Variants in CYB5R4 observed in about 807,000 individuals in gnomAD.
The protein encoded by CYB5R4 is N-terminal cytochrome b5 and cytochrome b5 oxidoreductase domain-containing protein.
CYB5R4 carries 55 observed loss-of-function variants against 70.2 expected under a neutral mutation model. The ratio of observed to expected loss-of-function variants is 0.78; its 90% CI spans 0.63 to 0.98. CYB5R4 has a LOEUF of 0.98. Among genes scored for constraint, CYB5R4 ranks in the 50% least tolerant of loss-of-function variants. The probability of loss-of-function intolerance (pLI) is 0.00; values close to 1 mark genes in which losing one functional copy is unlikely to be tolerated. For missense variants in CYB5R4, 562 were observed against 612.6 expected (o/e 0.92, Z 0.87); for synonymous variants, 197 against 199.5 (o/e 0.99, Z 0.11).
intron 15 of CYB5R4, 127 bp from the exon 16 acceptor site, chr6:83,959,697 T>C (rs1470454680): frequency 2.6e-6 from 2 of 777,430 alleles, no homozygotes; most frequent in African/African-American, 3.7e-5. Context: ...TGTTTTTTTA[T>C]TTAAAAAAAA....
At chr6:83,898,175 T>C (rs1275864577) in intron 3 of CYB5R4, among the ~76,000 whole-genome samples, 1 of 152,248 alleles carries the variant, frequency 6.6e-6, no homozygotes, top group Non-Finnish European at 1.5e-5. Flanking sequence ...TTCAGCTTTC[T>C]ACATATGGCT....
chr6:83,950,208 C>G (rs937580205), intron 14 of CYB5R4, among the ~76,000 whole-genome samples: 27 of 152,092 alleles, frequency 1.8e-4, no homozygotes, highest in African/African-American at 6.3e-4. Context: ...AAATGTGTAC[C>G]CAAATTTTAT....
chr6:83,917,475 A>G (rs1307980026), intron 5 of CYB5R4, among the ~76,000 whole-genome samples: 1 of 152,170 alleles, frequency 6.6e-6, no homozygotes, highest in African/African-American at 2.4e-5. Context: ...AACAACCTGA[A>G]TGTTCATCAA....
intron 10 of CYB5R4, among the ~76,000 whole-genome samples, chr6:83,927,146 G>T (rs2099467421): frequency 1.3e-5 from 2 of 152,072 alleles, no homozygotes; most frequent in African/African-American, 4.8e-5. Context: ...TATTTTAGGG[G>T]ATTCAGAAGG....
At chr6:83,946,802 T>TC (rs533631957) in intron 14 of CYB5R4, among the ~76,000 whole-genome samples, 398 of 152,136 alleles carry the variant, frequency 2.6e-3, no homozygotes, top group African/African-American at 8.0e-3. Context: ...ATGAGTGAAC[T>TC]CCCATTCACA....
At position 83,919,466 on chromosome 6, in the gene CYB5R4, T is replaced by A; in HGVS notation, c.564+12T>A. On this transcript the variant is annotated intron_variant, in intron 7 of 15. Coordinates refer to ENST00000369681, the MANE Select transcript of CYB5R4 (RefSeq NM_016230.4). ...ATACTAAACAGAAGGTAAATATGTC[T>A]TTAAAATCAGAAAAGAAGAAAATAA... 1 of 1,399,050 alleles carries A rather than the reference T, an allele frequency of 7.1e-7. No homozygotes were observed. Among genetic ancestry groups the A allele is most frequent in the East Asian group, 2.4e-5 (1 of 41,284 alleles). The allele number at this position is 1,399,050 out of a possible 1,614,324, so 86.7% of individuals were successfully genotyped here. A position where few individuals can be genotyped will look rare whatever the true frequency, so the allele number is the denominator to read the frequency against.
At chr6:83,889,182 T>C (rs2099460728) in intron 2 of CYB5R4, among the ~76,000 whole-genome samples, 1 of 152,242 alleles carries the variant, frequency 6.6e-6, no homozygotes, top group Non-Finnish European at 1.5e-5. Context: ...CTGCAGCAAG[T>C]TATCTAGAAG....
chr6:83,915,847 G>A (rs2099465420), intron 5 of CYB5R4, among the ~76,000 whole-genome samples: 1 of 152,078 alleles, frequency 6.6e-6, no homozygotes, highest in African/African-American at 2.4e-5. Context: ...TTAAAATACT[G>A]AATGGGTTGG....
rs944592553 is a variant in CYB5R4, at chr6:83,946,286, C to A, written c.1346+5685C>A. 1.0e-3 allele frequency among the ~76,000 whole-genome samples: 157 copies of A among 152,232 alleles called. 2 individuals carry two copies. Among genetic ancestry groups the A allele is most frequent in the African/African-American group, 3.6e-3 (151 of 41,542 alleles). On this transcript the variant is annotated intron_variant, in intron 14 of 15. Transcript: ENST00000369681. Reference sequence around the variant, plus strand: ...GATTCAACATACACAAATCAATAAACGTATTGCATCACATAAACAGAACTG... The same window carrying A: ...GATTCAACATACACAAATCAATAAAAGTATTGCATCACATAAACAGAACTG...
chr6:83,878,353 AT>A lies in CYB5R4; in HGVS notation c.229+14037del, dbSNP rs56795740. ...CTTTTAAAAAAGATGTGTTTTGTAA[AT>A]TTTTTTTTTTTGAGACAGAGTCCTG... On this transcript the variant is annotated intron_variant, in intron 2 of 15. Transcript: ENST00000369681. Among the ~76,000 whole-genome samples the A allele has an allele frequency of 5.3e-3, 785 of 147,922 alleles. 9 individuals carry two copies. Among genetic ancestry groups the A allele is most frequent in the African/African-American group, 0.017 (711 of 40,776 alleles).
chr6:83,942,359 G>C (rs2099469897), intron 14 of CYB5R4, among the ~76,000 whole-genome samples: 1 of 152,232 alleles, frequency 6.6e-6, no homozygotes, highest in South Asian at 2.1e-4. Flanking sequence ...TCTCACCCGG[G>C]AAGCTCAAGT....
chr6:83,957,803 G>A (rs1010168298), intron 15 of CYB5R4, among the ~76,000 whole-genome samples: 1 of 152,062 alleles, frequency 6.6e-6, no homozygotes, highest in African/African-American at 2.4e-5. Context: ...GCTGCATAGA[G>A]TTGCATTCTG....
At position 83,965,099 on chromosome 6, in the gene CYB5R4, G is replaced by A. The variant is rs539313439; in HGVS notation, c.*5221G>A. 1 of 152,430 alleles carries A rather than the reference G, an allele frequency of 6.6e-6. No homozygotes were observed. The highest frequency in any genetic ancestry group is 2.4e-5 in the African/African-American group (1 of 41,592). 9.4% of individuals were successfully genotyped at this position (152,430 alleles called of 1,614,324 possible). A position where few individuals can be genotyped will look rare whatever the true frequency, so the allele number is the denominator to read the frequency against. ...GAACCTCGGCTAGGGCAGTGCAGAA[G>A]GGAAATGTGGGGTTGGAGCCCCCTC... On this transcript the variant is annotated 3_prime_UTR_variant, in exon 16 of 16. Transcript: ENST00000369681.
chr6:83,895,691 A>C (rs2099461777), intron 3 of CYB5R4, among the ~76,000 whole-genome samples: 1 of 152,220 alleles, frequency 6.6e-6, no homozygotes, highest in South Asian at 2.1e-4. Flanking sequence ...GAGAATTCAC[A>C]AGAAGTGCTA....
At chr6:83,868,087 C>T (rs2099457020) in intron 2 of CYB5R4, among the ~76,000 whole-genome samples, 1 of 152,102 alleles carries the variant, frequency 6.6e-6, no homozygotes, top group Non-Finnish European at 1.5e-5. Flanking sequence ...TGTGTGCCAA[C>T]TTTAGTCTTG....
At chr6:83,923,417 A>C (rs1210041249) in intron 9 of CYB5R4, among the ~76,000 whole-genome samples, 1 of 152,178 alleles carries the variant, frequency 6.6e-6, no homozygotes, top group African/African-American at 2.4e-5. Flanking sequence ...TTAAGCTTCA[A>C]ATCAGTGCTC....
chr6:83,910,272 C>T (rs1019754280), intron 4 of CYB5R4: 3 of 764,190 alleles, frequency 3.9e-6, no homozygotes, highest in Admixed American at 2.7e-5. Flanking sequence ...TCAGTTTCCT[C>T]ATTGGTAAAA....
At chr6:83,880,709 T>C (rs1240811072) in intron 2 of CYB5R4, among the ~76,000 whole-genome samples, 1 of 152,208 alleles carries the variant, frequency 6.6e-6, no homozygotes, top group Non-Finnish European at 1.5e-5. Context: ...CAGGGCTGTT[T>C]TTCCAAGTAG....
At position 83,965,887 on chromosome 6, in the gene CYB5R4, C is replaced by T. The variant is rs1200903054; in HGVS notation, c.*6009C>T. ...GATCTGATGGTTTCATCAGGGGGTTCCGCTTTTGCATCTTACTCATTTCTC... is the reference window on the plus strand; with the variant it reads ...GATCTGATGGTTTCATCAGGGGGTTTCGCTTTTGCATCTTACTCATTTCTC... On this transcript the variant is annotated 3_prime_UTR_variant, in exon 16 of 16. Coordinates refer to ENST00000369681, the MANE Select transcript of CYB5R4 (RefSeq NM_016230.4). 6.6e-6 allele frequency: 1 copy of T among 152,198 alleles called. No homozygotes were observed. Among genetic ancestry groups the T allele is most frequent in the East Asian group, 1.9e-4 (1 of 5,182 alleles). 9.4% of individuals were successfully genotyped at this position (152,198 alleles called of 1,614,324 possible).
Sources: gnomAD v4.1 joint callset for allele counts (sites outside exome capture counted in the v4.1 genomes callset) on GRCh38, gnomAD v4.1.1 for gene constraint, MANE v1.5 for transcripts, NCBI Gene and HGNC (gene_info 2026-07-23, HGNC 2026-07-21) for gene names.